Variants in TBC1D30 observed in about 807,000 individuals in gnomAD.
TBC1D30 encodes TBC1 domain family member 30.
In TBC1D30, 31 loss-of-function variants were observed where a neutral mutation model predicts 63.2. The ratio of observed to expected loss-of-function variants is 0.49; its 90% CI spans 0.37 to 0.66. The LOEUF (loss-of-function observed/expected upper bound fraction) is 0.66. Ranked by LOEUF, TBC1D30 falls within the 30% of genes least tolerant of loss-of-function variation. The pLI is 0.00. For missense variants in TBC1D30, 810 were observed against 953.6 expected (o/e 0.85, Z 1.98); for synonymous variants, 307 against 361.5 (o/e 0.85, Z 1.71).
At chr12:64,781,322 C>T (rs1261814524) in intron 1 of TBC1D30, 23 of 1,078,434 alleles carry the variant, frequency 2.1e-5, no homozygotes, top group Non-Finnish European at 2.6e-5. Flanking sequence ...CGGGGGCTTC[C>T]TGGAGCCGGG....
Position 64,876,907 on chromosome 12 carries a change from G to C in TBC1D30, c.*1119G>C. On this transcript the variant is annotated 3_prime_UTR_variant, in exon 12 of 12. Transcript: ENST00000539867. ...GCAGATGGGAACTCTGAGCCACACA[G>C]AGGTGAAGTAGCACTTCAGTTACTC... 4.4e-6 allele frequency: 2 copies of C among 456,084 alleles called. No individual in the cohort carries two copies. Among genetic ancestry groups the C allele is most frequent in the South Asian group, 1.5e-5 (1 of 64,544 alleles). 28.3% of individuals were successfully genotyped at this position (456,084 alleles called of 1,614,324 possible).
chr12:64,828,584 A>C (rs563362397), intron 3 of TBC1D30, 75 bp downstream of exon 3: 77 of 963,020 alleles, frequency 8.0e-5, no homozygotes, highest in Non-Finnish European at 1.1e-4. Flanking sequence ...AATGTCAAAA[A>C]ATATATTCTA....
chr12:64,847,459 A>G (rs575605239), intron 8 of TBC1D30, among the ~76,000 whole-genome samples: 6 of 152,078 alleles, frequency 3.9e-5, no homozygotes, highest in Non-Finnish European at 8.8e-5. Flanking sequence ...GTGCTTTAAT[A>G]TATGTCATTA....
intron 7 of TBC1D30, among the ~76,000 whole-genome samples, chr12:64,841,616 C>A (rs938694029): frequency 6.6e-6 from 1 of 152,190 alleles, no homozygotes; most frequent in South Asian, 2.1e-4. Flanking sequence ...CACTGGCTTC[C>A]TCTGGTCCTG....
chr12:64,872,509 G>A (rs901347106), intron 11 of TBC1D30, among the ~76,000 whole-genome samples: 1 of 152,128 alleles, frequency 6.6e-6, no homozygotes, highest in Non-Finnish European at 1.5e-5. Context: ...GCTGCTCAAA[G>A]GCAAAGCTCT....
intron 7 of TBC1D30, among the ~76,000 whole-genome samples, chr12:64,839,074 C>T (rs1358881411): frequency 6.6e-6 from 1 of 152,216 alleles, no homozygotes; most frequent in Non-Finnish European, 1.5e-5. Flanking sequence ...CACTCCTCCT[C>T]AAGTGCTTGT....
intron 2 of TBC1D30, among the ~76,000 whole-genome samples, chr12:64,814,364 A>G (rs1873399105): frequency 1.3e-5 from 2 of 152,122 alleles, no homozygotes; most frequent in Admixed American, 1.3e-4. Context: ...TACCATTTCT[A>G]AATGTCAAAT....
At chr12:64,775,306 T>C (rs1330704367) in intron 1 of TBC1D30, among the ~76,000 whole-genome samples, 1 of 152,054 alleles carries the variant, frequency 6.6e-6, no homozygotes, top group Non-Finnish European at 1.5e-5. Context: ...GTAAATGGGC[T>C]AAATGCCCAA....
intron 2 of TBC1D30, among the ~76,000 whole-genome samples, chr12:64,795,789 G>T (rs1872222768): frequency 8.3e-6 from 1 of 120,078 alleles, no homozygotes; most frequent in African/African-American, 3.3e-5. Flanking sequence ...TGTGGTTTTG[G>T]TGGGGACCAA....
At chr12:64,787,735 A>G (rs1004097196) in intron 2 of TBC1D30, among the ~76,000 whole-genome samples, 1 of 152,176 alleles carries the variant, frequency 6.6e-6, no homozygotes, top group African/African-American at 2.4e-5. Flanking sequence ...TACCTAATAG[A>G]TATTAACAGA....
At chr12:64,852,503 T>C (rs2136428350) in intron 8 of TBC1D30, among the ~76,000 whole-genome samples, 1 of 152,264 alleles carries the variant, frequency 6.6e-6, no homozygotes, top group African/African-American at 2.4e-5. Flanking sequence ...GTCAAACTCA[T>C]TCTCTGTCTA....
chr12:64,827,628 A>C (rs1874475967), intron 1 of TBC1D30, among the ~76,000 whole-genome samples: 1 of 152,182 alleles, frequency 6.6e-6, no homozygotes, highest in Non-Finnish European at 1.5e-5. Flanking sequence ...CGTCATATGT[A>C]GTAAGGCACT....
chr12:64,772,237 CAAAAAAAA>C (rs747871090), intron 1 of TBC1D30, among the ~76,000 whole-genome samples: 1 of 49,318 alleles, frequency 2.0e-5, no homozygotes, highest in African/African-American at 7.2e-5. Context: ...AACTCTGTCT[CAAAAAAAA>C]AAAAAAAAAA....
At position 64,845,857 on chromosome 12, in the gene TBC1D30, G is replaced by A. The variant is rs1454638036; in HGVS notation, c.1038+2372G>A. Among the ~76,000 whole-genome samples, 4 of 152,102 alleles carry A rather than the reference G, an allele frequency of 2.6e-5. No homozygotes were observed. In the East Asian group the frequency reaches 5.8e-4, roughly 22 times the overall value. ...GTATTTTTAGTAGAGATGGGGTTTC[G>A]CCATATTGGCCAGGCTGGTCTCAAA... On this transcript the variant is annotated intron_variant, in intron 8 of 11. Coordinates refer to ENST00000539867, the MANE Select transcript of TBC1D30 (RefSeq NM_015279.2).
rs146935911 is a variant in TBC1D30 at position 64,843,232 on chromosome 12, C to G, written c.933-148C>G. 2,343 of 640,734 alleles carry G rather than the reference C, an allele frequency of 3.7e-3. 55 individuals carry two copies. In the African/African-American group the frequency reaches 0.039, roughly 11 times the overall value. The allele number at this position is 640,734 out of a possible 1,614,324, so 39.7% of individuals were successfully genotyped here. ...CTGCATTGAGGCTCCTGGCCTCAAG[C>G]AATCCTCCCGCCCCAGCCTCCCAGA... On this transcript the variant is annotated intron_variant, in intron 7 of 11. Transcript: ENST00000539867.
Position 64,824,798 on chromosome 12 carries a change from T to C in TBC1D30, c.-82T>C. On this transcript the variant is annotated 5_prime_UTR_variant, in exon 1 of 12. Coordinates refer to ENST00000539867, the MANE Select transcript of TBC1D30 (RefSeq NM_015279.2). ...GGTCAGCCGCAGACACTCACCCAGC[T>C]CCGCGAGCTCAGCCGCTCAGCGAGT... 2 of 1,476,790 alleles carry C rather than the reference T, an allele frequency of 1.4e-6. No homozygotes were observed. Among genetic ancestry groups the C allele is most frequent in the Non-Finnish European group, 9.0e-7 (1 of 1,113,810 alleles). 91.5% of individuals were successfully genotyped at this position (1,476,790 alleles called of 1,614,324 possible).
At chr12:64,764,712 G>A (rs1870641780) in intron 1 of TBC1D30, among the ~76,000 whole-genome samples, 1 of 152,208 alleles carries the variant, frequency 6.6e-6, no homozygotes, top group South Asian at 2.1e-4. Flanking sequence ...GAGGGAGATT[G>A]AGGCAGCTGG....
upstream of TBC1D30, among the ~76,000 whole-genome samples, chr12:64,779,629 T>C (rs1871175838): frequency 2.0e-5 from 3 of 152,200 alleles, no homozygotes; most frequent in Admixed American, 2.0e-4. Flanking sequence ...ACCAGTGTTG[T>C]TCACCAGGTG....
chr12:64,866,686 A>C (rs1878243668), intron 9 of TBC1D30, 78 bp from the exon 10 acceptor site: 4 of 1,350,028 alleles, frequency 3.0e-6, no homozygotes, highest in Non-Finnish European at 4.0e-6. Flanking sequence ...ATGGCATTTA[A>C]ACCATGTAAC....
Sources: allele counts gnomAD v4.1 joint callset (sites outside exome capture counted in the v4.1 genomes callset), GRCh38; gene constraint gnomAD v4.1.1; transcripts MANE v1.5; gene names NCBI Gene and HGNC (gene_info 2026-07-23, HGNC 2026-07-21).